FREM1: variants seen among roughly 807,000 people sequenced by gnomAD.
FREM1 encodes the protein FRAS1-related extracellular matrix protein 1.
In FREM1, 220 loss-of-function variants were observed where a neutral mutation model predicts 210.1. That is an observed-to-expected ratio of 1.05 (90% CI 0.94 to 1.17). FREM1 has a LOEUF of 1.17. Among genes scored for constraint, FREM1 ranks in the 50% most tolerant of loss-of-function variants. The probability of loss-of-function intolerance (pLI) is 0.00; values close to 1 mark genes in which losing one functional copy is unlikely to be tolerated. For missense variants in FREM1, 3,454 were observed against 2,675.5 expected, an observed-to-expected ratio of 1.29 and a Z score of -6.42; for synonymous variants, 1,189 against 980.2, an observed-to-expected ratio of 1.21 and a Z score of -3.98.
At chr9:14,852,756 G>A (rs182073784) in intron 5 of FREM1, among the ~76,000 whole-genome samples, 2 of 152,336 alleles carry the variant, frequency 1.3e-5, no homozygotes, top group Non-Finnish European at 2.9e-5. Flanking sequence ...CTAGCCCATT[G>A]CTGAGAGAAC....
At chr9:14,862,918 T>C (rs952077663) in intron 3 of FREM1, among the ~76,000 whole-genome samples, 2 of 152,224 alleles carry the variant, frequency 1.3e-5, no homozygotes, top group Non-Finnish European at 2.9e-5. Flanking sequence ...CTGTTATGAA[T>C]AATGTTGCAT....
rs771606583 is a variant in FREM1, at chr9:14,851,456, G to A, written c.980C>T (p.Thr327Ile). 1.2e-6 allele frequency: 2 copies of A among 1,613,986 alleles called. No individual in the cohort carries two copies. Among genetic ancestry groups the A allele is most frequent in the Admixed American group, 1.7e-5 (1 of 60,012 alleles). ...GTTGAACACCAGCAAGGGTTTAGGG[G>A]TCTCATCTTCTTCACAGTCCAGAAC... Reference protein sequence around the residue: ...TSVLDCEEDETPKPLLVFNIT... With the variant: ...TSVLDCEEDEIPKPLLVFNIT... The change falls in exon 6 of 37, where the codon ACC becomes ATC. Residue 327 changes from threonine (T) to isoleucine (I), a missense_variant. Transcript: ENST00000380880.
chr9:14,885,650 G>A (rs1440065343), intron 1 of FREM1, among the ~76,000 whole-genome samples: 1 of 152,106 alleles, frequency 6.6e-6, no homozygotes, highest in Non-Finnish European at 1.5e-5. Flanking sequence ...TTGAACTCCT[G>A]GTCTCAAGCT....
At chr9:14,795,138 C>A (rs778357708) in intron 21 of FREM1, among the ~76,000 whole-genome samples, 9 of 152,034 alleles carry the variant, frequency 5.9e-5, no homozygotes, top group Non-Finnish European at 1.3e-4. Flanking sequence ...TGTATTTTTA[C>A]AATTAGGATA....
At chr9:14,889,384 G>T (rs919073033) in intron 1 of FREM1, among the ~76,000 whole-genome samples, 1 of 152,188 alleles carries the variant, frequency 6.6e-6, no homozygotes, top group Admixed American at 6.5e-5. Context: ...TGTTTATGTG[G>T]AAGGTTTAGT....
At chr9:14,784,225 T>A in intron 24 of FREM1, 145 bp downstream of exon 24, 1 of 654,048 alleles carries the variant, frequency 1.5e-6, no homozygotes, top group Non-Finnish European at 2.3e-6. Context: ...ACAAATTTCA[T>A]TCTATAAATT....
At chr9:14,838,426 T>G (rs1190511388) in intron 10 of FREM1, among the ~76,000 whole-genome samples, 4 of 152,142 alleles carry the variant, frequency 2.6e-5, no homozygotes, top group Non-Finnish European at 5.9e-5. Flanking sequence ...AGGTAATCAT[T>G]TGAGTTCCTC....
In FREM1 at chr9:14,868,994, T is replaced by C. The variant is rs1453121030; in HGVS notation, c.-17A>G. ...AGAGTTCATGCTGACAGGGCCCAAC[T>C]CTTCTCTGTCCACCGGCGAAATCCC... On this transcript the variant is annotated 5_prime_UTR_variant, in exon 2 of 37. Transcript: ENST00000380880. 1.3e-6 allele frequency: 2 copies of C among 1,513,866 alleles called. No homozygotes were observed. Among genetic ancestry groups the C allele is most frequent in the Non-Finnish European group, 1.8e-6 (2 of 1,122,658 alleles). The allele number at this position is 1,513,866 out of a possible 1,614,324, so 93.8% of individuals were successfully genotyped here. A position where few individuals can be genotyped will look rare whatever the true frequency, so the allele number is the denominator to read the frequency against.
At chr9:14,835,138 A>G (rs2131052095) in intron 10 of FREM1, among the ~76,000 whole-genome samples, 1 of 152,344 alleles carries the variant, frequency 6.6e-6, no homozygotes, top group East Asian at 1.9e-4. Context: ...AGTGGACTGC[A>G]CTCACAAAGT....
intron 29 of FREM1, among the ~76,000 whole-genome samples, chr9:14,753,384 G>A (rs1447168254): frequency 6.6e-6 from 1 of 152,198 alleles, no homozygotes; most frequent in East Asian, 1.9e-4. Context: ...TAAGAATGCT[G>A]CAAGCCTTTC....
Position 14,851,568 on chromosome 9 carries a change from T to A in FREM1, c.868A>T (p.Ile290Phe). ...GCAGCCTTTGGAATCTGATTCGGAA[T>A]TCCAGCTCTGATATAGACAGGCAGC... ...AWLPVYIRAG[I>F]PNQIPKAAFM... is the part of the protein sequence containing the mutation. The change falls in exon 6 of 37, where the codon ATT becomes TTT. Residue 290 changes from isoleucine to phenylalanine, a missense_variant. Ile to Phe is a conservative substitution (Grantham distance 21). Transcript: ENST00000380880. 1 of 1,613,982 alleles carries A rather than the reference T, an allele frequency of 6.2e-7. No homozygotes were observed. The highest frequency in any genetic ancestry group is 8.5e-7 in the Non-Finnish European group (1 of 1,179,842).
intron 1 of FREM1, among the ~76,000 whole-genome samples, chr9:14,894,544 C>T (rs1837365297): frequency 6.6e-6 from 1 of 152,178 alleles, no homozygotes; most frequent in Non-Finnish European, 1.5e-5. Flanking sequence ...CTGAAATGTT[C>T]ACAAATATCA....
Position 14,819,315 on chromosome 9 carries a change from TGCAGAGGCAATTCCC to T in FREM1, c.2450_2464del (p.Arg817_Leu821del), listed in dbSNP as rs1252181131. On this transcript the variant is annotated inframe_deletion, in exon 14 of 37. Coordinates refer to ENST00000380880, the MANE Select transcript of FREM1 (RefSeq NM_001379081.2). Reference sequence around the variant, plus strand: ...AAATCCATTCAGCTCCACCCTTCCGTGCAGAGGCAATTCCCGCAGGGAGAGGTCAATATTGTCCAG... The same window carrying T: ...AAATCCATTCAGCTCCACCCTTCCGTGCAGGGAGAGGTCAATATTGTCCAG... The T allele has an allele frequency of 6.2e-7, 1 of 1,613,848 alleles. No homozygotes were observed. The highest frequency in any genetic ancestry group is 1.3e-5 in the African/African-American group (1 of 74,946).
intron 25 of FREM1, among the ~76,000 whole-genome samples, chr9:14,772,141 T>A (rs1432177132): frequency 6.6e-6 from 1 of 152,062 alleles, no homozygotes; most frequent in Non-Finnish European, 1.5e-5. Flanking sequence ...CTCATGATGA[T>A]AAATATGTGA....
intron 20 of FREM1, among the ~76,000 whole-genome samples, chr9:14,801,030 G>A (rs545601203): frequency 4.6e-5 from 7 of 152,086 alleles, no homozygotes; most frequent in African/African-American, 1.4e-4. Context: ...TCACTCTGTC[G>A]CCCAGGCTGG....
At chr9:14,832,438 A>G (rs149956212) in intron 10 of FREM1, among the ~76,000 whole-genome samples, 3 of 152,362 alleles carry the variant, frequency 2.0e-5, no homozygotes, top group East Asian at 1.9e-4. Context: ...TATGTCTCCT[A>G]TAGTAGGCCA....
intron 1 of FREM1, among the ~76,000 whole-genome samples, chr9:14,881,388 T>G (rs1291549930): frequency 6.6e-6 from 1 of 152,138 alleles, no homozygotes; most frequent in Non-Finnish European, 1.5e-5. Context: ...TAGGAATAAG[T>G]CAATCTCAAC....
At chr9:14,747,229 A>G in intron 33 of FREM1, 35 bp downstream of exon 33, 1 of 1,603,822 alleles carries the variant, frequency 6.2e-7, no homozygotes, top group Middle Eastern at 1.7e-4. Flanking sequence ...ACAACTTGTT[A>G]TAAGGTGAGT....
At chr9:14,803,332 A>ACCCTCCCCTC (rs1817706419) in intron 19 of FREM1, among the ~76,000 whole-genome samples, 1 of 36,526 alleles carries the variant, frequency 2.7e-5, no homozygotes, top group Non-Finnish European at 7.1e-5. Context: ...CCCCTCCCCT[A>ACCCTCCCCTC]CCCTCCTCCT....
Sources: gnomAD v4.1 joint callset for allele counts (sites outside exome capture counted in the v4.1 genomes callset) on GRCh38, gnomAD v4.1.1 for gene constraint, MANE v1.5 for transcripts, NCBI Gene and HGNC (gene_info 2026-07-23, HGNC 2026-07-21) for gene names.